The following CDC42SE2 variants were observed in gnomAD, a reference collection of about 807,000 sequenced individuals.
The protein encoded by CDC42SE2 is CDC42 small effector protein 2.
Under a neutral mutation model 11.5 loss-of-function variants are expected in CDC42SE2, and 3 were observed. The ratio of observed to expected loss-of-function variants is 0.26; its 90% confidence interval spans 0.12 to 0.67. CDC42SE2 has a LOEUF of 0.67. Among genes scored for constraint, CDC42SE2 ranks in the 30% least tolerant of loss-of-function variants. The probability of loss-of-function intolerance (pLI) is 0.80; values close to 1 mark genes in which losing one functional copy is unlikely to be tolerated. For missense variants in CDC42SE2, 82 were observed against 106.8 expected, an observed-to-expected ratio of 0.77 and a Z score of 1.02; for synonymous variants, 33 against 34.8, an observed-to-expected ratio of 0.95 and a Z score of 0.18.
intron 2 of CDC42SE2, among the ~76,000 whole-genome samples, chr5:131,342,824 T>G (rs1457457301): frequency 1.3e-5 from 2 of 152,160 alleles, no homozygotes; most frequent in Non-Finnish European, 1.5e-5. Flanking sequence ...GTGATTCTTG[T>G]GCCTCAGCTT....
intron 2 of CDC42SE2, among the ~76,000 whole-genome samples, chr5:131,333,806 T>C (rs1188948857): frequency 1.3e-5 from 2 of 152,200 alleles, no homozygotes; most frequent in African/African-American, 4.8e-5. Flanking sequence ...TTTTTGCACA[T>C]TGATTTTGTA....
chr5:131,330,507 C>T (rs917137154), intron 2 of CDC42SE2, among the ~76,000 whole-genome samples: 1 of 152,136 alleles, frequency 6.6e-6, no homozygotes, highest in African/African-American at 2.4e-5. Context: ...ATATCATGTA[C>T]TTCTTTTTCA....
intron 1 of CDC42SE2, among the ~76,000 whole-genome samples, chr5:131,273,767 C>CA (rs768842175): frequency 0.051 from 5,054 of 100,068 alleles, 272 homozygotes; most frequent in African/African-American, 0.15. Context: ...GACTCCGTCT[C>CA]AAAAAAAAAA....
intron 1 of CDC42SE2, among the ~76,000 whole-genome samples, chr5:131,304,472 A>C (rs992390511): frequency 6.6e-6 from 1 of 152,230 alleles, no homozygotes; most frequent in Non-Finnish European, 1.5e-5. Flanking sequence ...TCTAAGCAGA[A>C]TATGAAGTCC....
At chr5:131,215,824 T>C in the CDC42SE2 span, among the ~76,000 whole-genome samples, 42 of 152,350 alleles carry the variant, frequency 2.8e-4, no homozygotes, top group South Asian at 8.5e-3. Context: ...TATTAAAGAA[T>C]TAACTACTTA....
chr5:131,362,503 C>G (rs993237019), intron 3 of CDC42SE2, among the ~76,000 whole-genome samples: 2 of 152,196 alleles, frequency 1.3e-5, no homozygotes, highest in African/African-American at 2.4e-5. Context: ...GCTTGATCAT[C>G]TGCTAAAGTT....
the CDC42SE2 span, among the ~76,000 whole-genome samples, chr5:131,235,075 G>C: frequency 1.3e-5 from 2 of 151,788 alleles, no homozygotes; most frequent in African/African-American, 4.8e-5. Context: ...AGTTTTAGTA[G>C]AGAAGCGGTT....
At chr5:131,354,016 G>T (rs575806071) in intron 2 of CDC42SE2, among the ~76,000 whole-genome samples, 3 of 152,146 alleles carry the variant, frequency 2.0e-5, no homozygotes, top group Non-Finnish European at 4.4e-5. Context: ...GAGGCAGGCA[G>T]ATTACTTGAG....
At chr5:131,216,501 C>CAAAAAAAAAAAAAAAAAAAAA in the CDC42SE2 span, among the ~76,000 whole-genome samples, 7 of 42,168 alleles carry the variant, frequency 1.7e-4, no homozygotes, top group African/African-American at 7.2e-4. Flanking sequence ...GAACCTGTCT[C>CAAAAAAAAAAAAAAAAAAAAA]AAAAAAAAAA....
In CDC42SE2 at chr5:131,392,574, A is replaced by ATTC; in HGVS notation, c.*1484_*1486dup. 6.6e-6 allele frequency: 1 copy of ATTC among 152,454 alleles called. No homozygotes were observed. The highest frequency in any genetic ancestry group is 1.9e-4 in the East Asian group (1 of 5,322). 9.4% of individuals were successfully genotyped at this position (152,454 alleles called of 1,614,324 possible). A position where few individuals can be genotyped will look rare whatever the true frequency, so the allele number is the denominator to read the frequency against. On this transcript the variant is annotated 3_prime_UTR_variant, in exon 5 of 5. Coordinates refer to ENST00000505065, the MANE Select transcript of CDC42SE2 (RefSeq NM_001375635.1). The stretch of plus-strand genomic sequence containing the variant: ...AAAGAAAAGCTTGCATTCATAAGGC[A>ATTC]TTCATTCTGTTGTAAATGTTCAATA...
At chr5:131,292,864 A>T (rs1447137291) in intron 1 of CDC42SE2, among the ~76,000 whole-genome samples, 5 of 133,222 alleles carry the variant, frequency 3.8e-5, no homozygotes, top group Non-Finnish European at 7.8e-5. Context: ...GTGAGCTGAG[A>T]TTGCACCCAC....
intron 1 of CDC42SE2, among the ~76,000 whole-genome samples, chr5:131,297,343 T>C (rs551929972): frequency 1.4e-4 from 21 of 152,208 alleles, no homozygotes; most frequent in Non-Finnish European, 1.2e-4. Flanking sequence ...TTAAGAAACC[T>C]TTAACTCTTT....
At chr5:131,348,576 G>A (rs538807439) in intron 2 of CDC42SE2, among the ~76,000 whole-genome samples, 20 of 152,184 alleles carry the variant, frequency 1.3e-4, no homozygotes, top group South Asian at 2.1e-4. Context: ...CCAAGGTAAT[G>A]TATAGATTCA....
At chr5:131,371,253 G>C (rs1750006117) in intron 3 of CDC42SE2, among the ~76,000 whole-genome samples, 1 of 151,854 alleles carries the variant, frequency 6.6e-6, no homozygotes, top group Non-Finnish European at 1.5e-5. Context: ...TCTCAAACTT[G>C]TTCATATTGA....
At chr5:131,304,305 A>G (rs1757739412) in intron 1 of CDC42SE2, among the ~76,000 whole-genome samples, 1 of 152,080 alleles carries the variant, frequency 6.6e-6, no homozygotes. Context: ...TTAATGGTTA[A>G]ATTTAGCTAA....
At chr5:131,265,035 C>G (rs943784249) in intron 1 of CDC42SE2, among the ~76,000 whole-genome samples, 1 of 152,150 alleles carries the variant, frequency 6.6e-6, no homozygotes, top group African/African-American at 2.4e-5. Flanking sequence ...CTTGAAATAT[C>G]AGACAAAGCT....
intron 2 of CDC42SE2, among the ~76,000 whole-genome samples, chr5:131,355,514 AAGAGAGGG>A (rs1211928463): frequency 1.3e-5 from 2 of 151,960 alleles, no homozygotes; most frequent in Non-Finnish European, 2.9e-5. Context: ...GAAGAGAGAG[AAGAGAGGG>A]AGAGAGGGAG....
chr5:131,261,395 AT>A (rs1181423252), upstream of CDC42SE2: 1 of 152,218 alleles, frequency 6.6e-6, no homozygotes, highest in Non-Finnish European at 1.5e-5. Flanking sequence ...CACATTGTCA[AT>A]TTTTTTATAA....
chr5:131,364,509 AT>A (rs1749799760), intron 3 of CDC42SE2, among the ~76,000 whole-genome samples: 1 of 152,200 alleles, frequency 6.6e-6, no homozygotes, highest in Admixed American at 6.5e-5. Flanking sequence ...ACTGGTTTTT[AT>A]TCTTTGTGAA....
Sources: allele counts gnomAD v4.1 joint callset (sites outside exome capture counted in the v4.1 genomes callset), GRCh38; gene constraint gnomAD v4.1.1; transcripts MANE v1.5; gene names NCBI Gene and HGNC (gene_info 2026-07-23, HGNC 2026-07-21).